Variants in MLF1 observed in about 807,000 individuals in gnomAD.
MLF1 encodes the protein myelodysplasia-myeloid leukemia factor 1.
In MLF1, 37 loss-of-function variants were observed where a neutral mutation model predicts 38.3. That is an observed-to-expected ratio of 0.96 (90% confidence interval 0.74 to 1.27). The LOEUF (loss-of-function observed/expected upper bound fraction) is 1.27. Among genes scored for constraint, MLF1 ranks in the 50% most tolerant of loss-of-function variants. The pLI is 0.00. For missense variants in MLF1, 331 were observed against 349.2 expected (o/e 0.95, Z 0.42); for synonymous variants, 95 against 106.5 (o/e 0.89, Z 0.66).
chr3:158,592,512 C>T lies in MLF1; in HGVS notation c.126C>T (p.Leu42=), dbSNP rs1341278783. 14 of 1,611,998 alleles carry T rather than the reference C, an allele frequency of 8.7e-6. No homozygotes were observed. Among genetic ancestry groups the T allele is most frequent in the African/African-American group, 5.4e-5 (4 of 74,762 alleles). ...SFSEPFGRDL[L]SISDGRGRAH... Reference sequence around the variant, plus strand: ...CTGAACCCTTTGGAAGAGACTTGCTCAGTATCTCTGATGGTAGAGGGAGAG... The same window carrying T: ...CTGAACCCTTTGGAAGAGACTTGCTTAGTATCTCTGATGGTAGAGGGAGAG... Residue 42 remains leucine (L), a synonymous_variant, in exon 2 of 8, where the codon CTC becomes CTT. Coordinates refer to ENST00000466246, the MANE Select transcript of MLF1 (RefSeq NM_001369783.1).
intron 1 of MLF1, among the ~76,000 whole-genome samples, chr3:158,574,051 G>A (rs1402590920): frequency 6.6e-6 from 1 of 152,004 alleles, no homozygotes; most frequent in African/African-American, 2.4e-5. Context: ...TGCCTCCCTC[G>A]GCCTCCCAAA....
intron 6 of MLF1, among the ~76,000 whole-genome samples, chr3:158,602,247 TG>T (rs766710489): frequency 3.3e-5 from 5 of 152,190 alleles, no homozygotes; most frequent in Non-Finnish European, 7.3e-5. Flanking sequence ...AACATTTTGA[TG>T]AAAAATTGAG....
intron 1 of MLF1, chr3:158,582,645 C>CT: frequency 2.6e-6 from 1 of 382,522 alleles, no homozygotes; most frequent in Non-Finnish European, 4.6e-6. Context: ...TTATATCTGA[C>CT]TTCTCTTCAG....
At chr3:158,591,850 T>G (rs1170076883) in intron 1 of MLF1, among the ~76,000 whole-genome samples, 1 of 152,222 alleles carries the variant, frequency 6.6e-6, no homozygotes, top group Non-Finnish European at 1.5e-5. Context: ...AAAGATGTTT[T>G]TTTTATTATG....
intron 4 of MLF1, 31 bp downstream of exon 4, chr3:158,596,976 T>C: frequency 7.3e-7 from 1 of 1,370,182 alleles, no homozygotes; most frequent in Non-Finnish European, 1.0e-6. Flanking sequence ...ATTGAGAACA[T>C]TGTGTATACT....
At chr3:158,603,714 C>G (rs923246361) in intron 7 of MLF1, among the ~76,000 whole-genome samples, 7 of 152,234 alleles carry the variant, frequency 4.6e-5, no homozygotes, top group East Asian at 1.9e-4. Context: ...AGCACACACC[C>G]TGTAATCCCA....
intron 1 of MLF1, among the ~76,000 whole-genome samples, chr3:158,580,831 A>G (rs530809744): frequency 2.0e-5 from 3 of 151,440 alleles, no homozygotes; most frequent in South Asian, 2.1e-4. Flanking sequence ...GTGCACGCCT[A>G]TAGTCCCAGC....
intron 1 of MLF1, chr3:158,582,914 C>T (rs1716638184): frequency 1.3e-5 from 9 of 689,516 alleles, no homozygotes; most frequent in Non-Finnish European, 2.4e-5. Flanking sequence ...GCAAGAGCAT[C>T]AGAGAATAAG....
intron 1 of MLF1, among the ~76,000 whole-genome samples, chr3:158,579,589 G>A (rs1268261862): frequency 6.6e-6 from 1 of 152,044 alleles, no homozygotes; most frequent in Admixed American, 6.6e-5. Context: ...TATAAAGAAA[G>A]AAAAACCCAG....
At chr3:158,582,974 A>C in intron 1 of MLF1, 1 of 637,570 alleles carries the variant, frequency 1.6e-6, no homozygotes, top group Non-Finnish European at 2.8e-6. Context: ...TGGATCTGAT[A>C]GATAACAGTT....
intron 1 of MLF1, among the ~76,000 whole-genome samples, chr3:158,586,031 G>T (rs1717195667): frequency 6.6e-6 from 1 of 152,012 alleles, no homozygotes; most frequent in African/African-American, 2.4e-5. Flanking sequence ...TGGCATAGTG[G>T]CAGGCACCTG....
chr3:158,571,729 T>G (rs1576629407), intron 1 of MLF1, among the ~76,000 whole-genome samples: 4 of 34,210 alleles, frequency 1.2e-4, no homozygotes, highest in Non-Finnish European at 2.3e-4. Flanking sequence ...GTTGAGGGCG[T>G]GAGGTGAGGG....
At chr3:158,589,258 C>T (rs771107138) in intron 1 of MLF1, among the ~76,000 whole-genome samples, 1 of 152,010 alleles carries the variant, frequency 6.6e-6, no homozygotes. Context: ...ATTGCCTAGG[C>T]TGGAGTGCAA....
intron 3 of MLF1, among the ~76,000 whole-genome samples, chr3:158,595,288 T>C (rs1213958809): frequency 6.6e-6 from 1 of 152,006 alleles, no homozygotes; most frequent in Non-Finnish European, 1.5e-5. Flanking sequence ...GAGGAAACAT[T>C]TAAGGAAGAA....
intron 1 of MLF1, among the ~76,000 whole-genome samples, chr3:158,575,309 C>T (rs1715260695): frequency 1.3e-5 from 2 of 152,190 alleles, no homozygotes; most frequent in South Asian, 2.1e-4. Flanking sequence ...AAATAGTGGC[C>T]AGAACTCTGC....
At chr3:158,585,038 A>G (rs1289182326) in intron 1 of MLF1, among the ~76,000 whole-genome samples, 28 of 66,664 alleles carry the variant, frequency 4.2e-4, no homozygotes, top group African/African-American at 2.3e-3. Flanking sequence ...ACTCTGTCTG[A>G]AAAAAAAAAA....
intron 1 of MLF1, 59 bp downstream of exon 1, chr3:158,571,406 T>C: frequency 6.2e-6 from 10 of 1,608,272 alleles, no homozygotes; most frequent in Non-Finnish European, 8.5e-6. Flanking sequence ...CGAGGGGAGC[T>C]ATTTTAAGGG....
intron 1 of MLF1, among the ~76,000 whole-genome samples, chr3:158,592,081 C>CT (rs1414365724): frequency 3.3e-5 from 5 of 152,138 alleles, no homozygotes; most frequent in Non-Finnish European, 5.9e-5. Context: ...ATAAAGCCTA[C>CT]TTTATTATAA....
chr3:158,597,038 G>A, intron 4 of MLF1, 93 bp downstream of exon 4: 1 of 702,236 alleles, frequency 1.4e-6, no homozygotes, highest in Non-Finnish European at 2.4e-6. Context: ...AACCATAGTG[G>A]TTAAAAAAGA....
Sources: allele counts gnomAD v4.1 joint callset (sites outside exome capture counted in the v4.1 genomes callset), GRCh38; gene constraint gnomAD v4.1.1; transcripts MANE v1.5; gene names NCBI Gene and HGNC (gene_info 2026-07-23, HGNC 2026-07-21).